AK5: variants seen among roughly 807,000 people sequenced by gnomAD.
AK5 encodes the protein adenylate kinase 5.
In AK5, 27 loss-of-function variants were observed where a neutral mutation model predicts 69.5. The ratio of observed to expected loss-of-function variants is 0.39; its 90% CI spans 0.29 to 0.54. The LOEUF (loss-of-function observed/expected upper bound fraction) is 0.54. Ranked by LOEUF, AK5 falls within the 20% of genes least tolerant of loss-of-function variation. The probability of loss-of-function intolerance (pLI) is 0.71; values close to 1 mark genes in which losing one functional copy is unlikely to be tolerated. For synonymous variants in AK5, 260 were observed against 244.4 expected, an observed-to-expected ratio of 1.06 and a Z score of -0.60; for missense variants, 531 against 700.4, an observed-to-expected ratio of 0.76 and a Z score of 2.73.
intron 8 of AK5, among the ~76,000 whole-genome samples, chr1:77,479,903 T>C (rs1217665963): frequency 1.3e-5 from 2 of 152,144 alleles, no homozygotes; most frequent in African/African-American, 2.4e-5. Context: ...TGATGCCTCA[T>C]TGAAGAGGAA....
chr1:77,284,971 A>C (rs1195215160), intron 1 of AK5, among the ~76,000 whole-genome samples: 1 of 152,212 alleles, frequency 6.6e-6, no homozygotes, highest in Non-Finnish European at 1.5e-5. Flanking sequence ...GGCATTTTGC[A>C]GAGGGCACAG....
In AK5 at chr1:77,518,696, A is replaced by C; in HGVS notation, c.1280A>C (p.Asp427Ala). Residue 427 changes from aspartate (D) to alanine (A), a missense_variant, in exon 11 of 14, where the codon GAC becomes GCC. Transcript: ENST00000354567. The part of the protein sequence containing the change: ...SESERSKLIR[D>A]IMERGDLVPS... ...TCTGAAAGAAGCAAATTGATCAGAG[A>C]CATTATGGAACGTGGAGACCTGGTG... 6.2e-7 allele frequency: 1 copy of C among 1,614,214 alleles called. No individual in the cohort carries two copies.
At chr1:77,379,083 G>A (rs1387794566) in intron 6 of AK5, among the ~76,000 whole-genome samples, 1 of 152,194 alleles carries the variant, frequency 6.6e-6, no homozygotes, top group Non-Finnish European at 1.5e-5. Context: ...GCCAGAACCT[G>A]TCATGTGTTC....
At chr1:77,367,371 C>G (rs1184865828) in intron 6 of AK5, among the ~76,000 whole-genome samples, 1 of 150,018 alleles carries the variant, frequency 6.7e-6, no homozygotes, top group Non-Finnish European at 1.5e-5. Context: ...CTCTGTCACC[C>G]AGGCTGCAGT....
intron 8 of AK5, among the ~76,000 whole-genome samples, chr1:77,437,943 C>CT (rs1261701732): frequency 6.6e-6 from 1 of 152,046 alleles, no homozygotes; most frequent in African/African-American, 2.4e-5. Context: ...TTCTTTCCTT[C>CT]TTAGACTATC....
chr1:77,402,954 C>T (rs911864933), intron 6 of AK5, among the ~76,000 whole-genome samples: 2 of 152,010 alleles, frequency 1.3e-5, no homozygotes, highest in African/African-American at 2.4e-5. Context: ...CTCTCCAGCA[C>T]CTGTTGTTTC....
At chr1:77,378,885 A>T (rs557172238) in intron 6 of AK5, among the ~76,000 whole-genome samples, 1 of 152,314 alleles carries the variant, frequency 6.6e-6, no homozygotes, top group Admixed American at 6.5e-5. Flanking sequence ...TGAATAGAAA[A>T]GAGGTAAAAT....
intron 13 of AK5, among the ~76,000 whole-genome samples, chr1:77,551,503 A>G (rs1659820978): frequency 1.3e-5 from 2 of 151,726 alleles, no homozygotes; most frequent in African/African-American, 4.8e-5. Flanking sequence ...TCATTAATAA[A>G]CCCCCATATT....
intron 8 of AK5, among the ~76,000 whole-genome samples, chr1:77,447,147 C>T (rs972830803): frequency 6.6e-6 from 1 of 152,240 alleles, no homozygotes; most frequent in African/African-American, 2.4e-5. Flanking sequence ...AGGCAGCCAG[C>T]AATTCCTGGC....
At position 77,548,535 on chromosome 1, in the gene AK5, C is replaced by G. The variant is rs139112538; in HGVS notation, c.1621-10067C>G. On this transcript the variant is annotated intron_variant, in intron 13 of 13. Transcript: ENST00000354567. ...AAAAGGAAGGTGCTGGCACACAGAC[C>G]GTGATCCTAAACCATGCTGTAACAG... Among the ~76,000 whole-genome samples the G allele has an allele frequency of 2.0e-5, 3 of 152,246 alleles. No individual in the cohort carries two copies. The East Asian group carries it at 5.8e-4, about 29-fold the overall frequency.
At chr1:77,383,101 A>G (rs535406776) in intron 6 of AK5, among the ~76,000 whole-genome samples, 10 of 152,356 alleles carry the variant, frequency 6.6e-5, no homozygotes, top group African/African-American at 2.4e-4. Context: ...ATTCAAAAAC[A>G]TCATAATGAG....
intron 6 of AK5, among the ~76,000 whole-genome samples, chr1:77,373,744 A>C (rs1048367271): frequency 1.4e-5 from 2 of 147,746 alleles, no homozygotes; most frequent in South Asian, 2.2e-4. Flanking sequence ...AAAAAAAAAA[A>C]CAAAAAACAT....
intron 6 of AK5, among the ~76,000 whole-genome samples, chr1:77,391,493 G>GTGTGTATA (rs1557554379): frequency 1.9e-4 from 3 of 16,000 alleles, no homozygotes; most frequent in African/African-American, 1.1e-3. Flanking sequence ...ATGTGTGTGT[G>GTGTGTATA]TGTATATATA....
At chr1:77,493,378 C>A (rs556349335) in intron 10 of AK5, among the ~76,000 whole-genome samples, 1 of 152,214 alleles carries the variant, frequency 6.6e-6, no homozygotes, top group East Asian at 1.9e-4. Context: ...TATACTCCCC[C>A]ACCTTCCCTG....
intron 5 of AK5, among the ~76,000 whole-genome samples, chr1:77,331,341 T>A (rs930357387): frequency 6.6e-6 from 1 of 152,164 alleles, no homozygotes; most frequent in Admixed American, 6.5e-5. Flanking sequence ...AGTATGATGC[T>A]TGCTATTCAT....
At chr1:77,368,245 A>ATATATATATATATTTTATATATAT (rs376578923) in intron 6 of AK5, among the ~76,000 whole-genome samples, 12 of 67,896 alleles carry the variant, frequency 1.8e-4, no homozygotes, top group Admixed American at 6.6e-4. Context: ...ATATATATAT[A>ATATATATATATATTTTATATATAT]TATATATAAT....
intron 10 of AK5, among the ~76,000 whole-genome samples, chr1:77,490,061 G>A (rs990155220): frequency 2.6e-5 from 4 of 151,696 alleles, no homozygotes; most frequent in African/African-American, 4.9e-5. Flanking sequence ...ACTACTTAAT[G>A]ACTAGAACAA....
chr1:77,479,235 G>C (rs1034502337), intron 8 of AK5, among the ~76,000 whole-genome samples: 1 of 109,162 alleles, frequency 9.2e-6, no homozygotes, highest in Admixed American at 1.4e-4. Flanking sequence ...GCGGAATTTC[G>C]CTCTTGTTGC....
intron 5 of AK5, among the ~76,000 whole-genome samples, chr1:77,328,369 G>A (rs1026319139): frequency 3.9e-5 from 6 of 151,934 alleles, no homozygotes; most frequent in Non-Finnish European, 5.9e-5. Context: ...GCGTGGTGGC[G>A]GGAGCCTGTA....
Sources: allele counts gnomAD v4.1 joint callset (sites outside exome capture counted in the v4.1 genomes callset), GRCh38; gene constraint gnomAD v4.1.1; transcripts MANE v1.5; gene names NCBI Gene and HGNC (gene_info 2026-07-23, HGNC 2026-07-21).